The following ZFAND6 variants were observed in gnomAD, a reference collection of about 807,000 sequenced individuals.
ZFAND6 encodes the protein zinc finger AN1-type containing 6, also known as AN1-type zinc finger protein 6.
A neutral mutation model predicts 24.5 loss-of-function variants in ZFAND6; 12 were observed. The observed-to-expected ratio is 0.49, with a 90% confidence interval of 0.31 to 0.79. The LOEUF is 0.79. Among genes scored for constraint, ZFAND6 ranks in the 30% least tolerant of loss-of-function variants. The probability of loss-of-function intolerance (pLI) is 0.04; values close to 1 mark genes in which losing one functional copy is unlikely to be tolerated. For missense variants in ZFAND6, 207 were observed against 245.9 expected (o/e 0.84, Z 1.06); for synonymous variants, 92 against 81.5 (o/e 1.13, Z -0.69).
chr15:80,078,106 C>CAT (rs1409092502), intron 1 of ZFAND6, among the ~76,000 whole-genome samples: 3 of 152,158 alleles, frequency 2.0e-5, no homozygotes, highest in Non-Finnish European at 2.9e-5. Flanking sequence ...AGGTTTGTTA[C>CAT]ATGGGTAAAT....
intron 2 of ZFAND6, among the ~76,000 whole-genome samples, chr15:80,099,108 A>C (rs1035144861): frequency 2.0e-5 from 3 of 152,130 alleles, no homozygotes; most frequent in Non-Finnish European, 2.9e-5. Flanking sequence ...CCCTAAATGC[A>C]GTTGAAAGTT....
chr15:80,120,502 A>G lies in ZFAND6; in HGVS notation c.154+4A>G. On this transcript the variant is annotated splice_donor_region_variant and intron_variant, in intron 3 of 6. Transcript: ENST00000261749. ...AATGGTAGAATAAGCCCACCTGGTA[A>G]GTAATTCTAGTGAAACCCGTCTATA... The G allele has an allele frequency of 6.6e-7, 1 of 1,525,320 alleles. No homozygotes were observed. Among genetic ancestry groups the G allele is most frequent in the Non-Finnish European group, 8.9e-7 (1 of 1,126,056 alleles). The allele number at this position is 1,525,320 out of a possible 1,614,324, so 94.5% of individuals were successfully genotyped here. A position where few individuals can be genotyped will look rare whatever the true frequency, so the allele number is the denominator to read the frequency against.
intron 1 of ZFAND6, among the ~76,000 whole-genome samples, chr15:80,079,998 C>G (rs1567057589): frequency 6.6e-6 from 1 of 150,562 alleles, no homozygotes; most frequent in East Asian, 2.0e-4. Context: ...TTTTTTTTCC[C>G]TTTCTTTTTT....
chr15:80,104,996 A>G (rs2039243932), intron 2 of ZFAND6, among the ~76,000 whole-genome samples: 1 of 152,168 alleles, frequency 6.6e-6, no homozygotes, highest in Admixed American at 6.5e-5. Context: ...TTTTCATTCT[A>G]AGGTGGTGGG....
chr15:80,061,115 G>A (rs1200616575), intron 1 of ZFAND6, among the ~76,000 whole-genome samples: 2 of 152,182 alleles, frequency 1.3e-5, no homozygotes, highest in Non-Finnish European at 2.9e-5. Context: ...AGCCCTAGGG[G>A]AAATGTTTTG....
intron 4 of ZFAND6, among the ~76,000 whole-genome samples, 159 bp downstream of exon 4, chr15:80,121,979 G>A (rs938409931): frequency 1.3e-5 from 2 of 152,098 alleles, no homozygotes; most frequent in South Asian, 2.1e-4. Context: ...GCGATTTCTT[G>A]CTTTTACCTT....
At chr15:80,096,224 G>C (rs2038713588) in intron 1 of ZFAND6, among the ~76,000 whole-genome samples, 1 of 152,216 alleles carries the variant, frequency 6.6e-6, no homozygotes, top group South Asian at 2.1e-4. Context: ...AAAACTCTCA[G>C]TGGTGTCTGT....
At chr15:80,100,290 C>G (rs2038963928) in intron 2 of ZFAND6, among the ~76,000 whole-genome samples, 1 of 152,184 alleles carries the variant, frequency 6.6e-6, no homozygotes, top group Admixed American at 6.5e-5. Context: ...CCCTTCCCTC[C>G]TCTTTTTTAA....
intron 1 of ZFAND6, among the ~76,000 whole-genome samples, chr15:80,097,537 T>A (rs1020884661): frequency 6.6e-6 from 1 of 152,006 alleles, no homozygotes; most frequent in African/African-American, 2.4e-5. Context: ...TAGTCCCAGC[T>A]ACTCAGGTGA....
chr15:80,128,146 A>C (rs2142040548), intron 5 of ZFAND6, among the ~76,000 whole-genome samples: 2 of 152,360 alleles, frequency 1.3e-5, no homozygotes, highest in Middle Eastern at 6.8e-3. Flanking sequence ...TCATACAGAA[A>C]GATTAGTGGT....
At position 80,137,684 on chromosome 15, in the gene ZFAND6, G is replaced by GT. The variant is rs959457397; in HGVS notation, c.*66dup. 0.019 allele frequency: 24,353 copies of GT among 1,314,778 alleles called. No individual in the cohort carries two copies. Among genetic ancestry groups the GT allele is most frequent in the South Asian group, 0.026 (1,552 of 59,294 alleles). The allele number at this position is 1,314,778 out of a possible 1,614,324, so 81.4% of individuals were successfully genotyped here. A position where few individuals can be genotyped will look rare whatever the true frequency, so the allele number is the denominator to read the frequency against. ...TCTGCAAACTAAAAATTGACTTGAG[G>GT]TTTTTTTTTTCCTAGTCATTGGGAA... On this transcript the variant is annotated 3_prime_UTR_variant, in exon 7 of 7. Coordinates refer to ENST00000261749, the MANE Select transcript of ZFAND6 (RefSeq NM_019006.4).
At chr15:80,132,244 A>G (rs1206694858) in intron 6 of ZFAND6, among the ~76,000 whole-genome samples, 1 of 152,216 alleles carries the variant, frequency 6.6e-6, no homozygotes, top group Non-Finnish European at 1.5e-5. Context: ...TCACAGATGA[A>G]CTGTATAGCC....
intron 1 of ZFAND6, among the ~76,000 whole-genome samples, chr15:80,089,838 C>T (rs2038243112): frequency 6.6e-6 from 1 of 152,150 alleles, no homozygotes; most frequent in Admixed American, 6.5e-5. Flanking sequence ...GCCTAACTCT[C>T]CACCCTTCTA....
In ZFAND6 at chr15:80,132,841, TAC is replaced by T. The variant is rs556509873; in HGVS notation, c.478+1549_478+1550del. The stretch of plus-strand genomic sequence containing the variant: ...AGAAAAAGTTGAATTGCTTGGTATG[TAC>T]CATAGATTAATGTCTGCAGCTGCTA... On this transcript the variant is annotated intron_variant, in intron 6 of 6. Transcript: ENST00000261749. Among the ~76,000 whole-genome samples the T allele has an allele frequency of 9.2e-4, 140 of 152,118 alleles. 1 individual carries two copies. The highest frequency in any genetic ancestry group is 2.5e-3 in the African/African-American group (104 of 41,494).
chr15:80,115,335 GT>G (rs1291021773), intron 2 of ZFAND6, among the ~76,000 whole-genome samples: 2 of 152,086 alleles, frequency 1.3e-5, no homozygotes, highest in Non-Finnish European at 1.5e-5. Flanking sequence ...ATAGGCTTTT[GT>G]TTATTATACC....
chr15:80,091,505 T>C (rs552479415), intron 1 of ZFAND6, among the ~76,000 whole-genome samples: 4 of 152,340 alleles, frequency 2.6e-5, no homozygotes, highest in African/African-American at 9.6e-5. Context: ...ATTTTTATAA[T>C]GTTATGAAAA....
At chr15:80,117,148 G>A (rs2039912367) in intron 2 of ZFAND6, among the ~76,000 whole-genome samples, 3 of 152,080 alleles carry the variant, frequency 2.0e-5, no homozygotes. Flanking sequence ...CTTGACTGTT[G>A]TCTTTGATAA....
At chr15:80,074,143 T>G (rs2037134060) in intron 1 of ZFAND6, among the ~76,000 whole-genome samples, 1 of 151,936 alleles carries the variant, frequency 6.6e-6, no homozygotes. Context: ...TCTGACTTGT[T>G]GATTAGTTTT....
At chr15:80,135,986 C>G (rs1430698160) in intron 6 of ZFAND6, among the ~76,000 whole-genome samples, 1 of 152,042 alleles carries the variant, frequency 6.6e-6, no homozygotes, top group Non-Finnish European at 1.5e-5. Flanking sequence ...ATTAGCTGAT[C>G]ATGATGGCAT....
Sources: gnomAD v4.1 joint callset for allele counts (sites outside exome capture counted in the v4.1 genomes callset) on GRCh38, gnomAD v4.1.1 for gene constraint, MANE v1.5 for transcripts, NCBI Gene and HGNC (gene_info 2026-07-23, HGNC 2026-07-21) for gene names.